BNC2: variants seen among roughly 807,000 people sequenced by gnomAD.
BNC2 encodes the protein zinc finger protein basonuclin-2.
Under a neutral mutation model 76.3 loss-of-function variants are expected in BNC2, and 20 were observed. The observed-to-expected ratio is 0.26, with a 90% CI of 0.18 to 0.38. The LOEUF (loss-of-function observed/expected upper bound fraction) is 0.38. Among genes scored for constraint, BNC2 ranks in the 10% least tolerant of loss-of-function variants. The pLI is 1.00. For synonymous variants in BNC2, 582 were observed against 514.8 expected, an observed-to-expected ratio of 1.13 and a Z score of -1.77; for missense variants, 1,382 against 1,399.8, an observed-to-expected ratio of 0.99 and a Z score of 0.20.
At chr9:16,586,121 A>C in intron 3 of BNC2, among the ~76,000 whole-genome samples, 1 of 151,802 alleles carries the variant, frequency 6.6e-6, no homozygotes, top group South Asian at 2.1e-4. Flanking sequence ...GCATTTTCAA[A>C]GTTTGTCGTT....
chr9:16,566,508 T>C (rs368602702), intron 4 of BNC2, among the ~76,000 whole-genome samples: 9 of 152,296 alleles, frequency 5.9e-5, no homozygotes, highest in East Asian at 3.9e-4. Flanking sequence ...CTGAGTAAAC[T>C]TGGCATATTT....
intron 1 of BNC2, among the ~76,000 whole-genome samples, chr9:16,844,836 G>A (rs530329817): frequency 6.6e-6 from 1 of 152,054 alleles, no homozygotes; most frequent in Non-Finnish European, 1.5e-5. Flanking sequence ...AGTCATTTCT[G>A]GGAAAGGTAT....
In BNC2 at chr9:16,618,664, G is replaced by A. The variant is rs547159970; in HGVS notation, c.331-35579C>T. The stretch of plus-strand genomic sequence containing the variant: ...GTGGAAACAAGGAGTGATAACAAGA[G>A]GTCCAGAAAGGACAGATACTCATCC... On this transcript the variant is annotated intron_variant, in intron 3 of 6. Transcript: ENST00000380672. 7.9e-5 allele frequency among the ~76,000 whole-genome samples: 12 copies of A among 152,236 alleles called. No homozygotes were observed. The East Asian group carries it at 1.2e-3, about 15-fold the overall frequency.
At chr9:16,631,156 C>A (rs992948436) in intron 3 of BNC2, among the ~76,000 whole-genome samples, 1 of 152,120 alleles carries the variant, frequency 6.6e-6, no homozygotes, top group Admixed American at 6.5e-5. Flanking sequence ...ACTTACTTAT[C>A]CTCTCCCCGA....
chr9:16,668,027 T>C (rs569417049), intron 3 of BNC2, among the ~76,000 whole-genome samples: 323 of 152,364 alleles, frequency 2.1e-3, no homozygotes, highest in Non-Finnish European at 3.0e-3. Context: ...TCCTACTAAG[T>C]GCCAGACGCA....
At chr9:16,867,920 T>C (rs914058349) in intron 1 of BNC2, 7 of 152,066 alleles carry the variant, frequency 4.6e-5, no homozygotes, top group Non-Finnish European at 7.4e-5. Flanking sequence ...CTTCATTAAC[T>C]GCGGCTCTCT....
intron 1 of BNC2, among the ~76,000 whole-genome samples, chr9:16,856,263 A>C (rs199841475): frequency 1.7e-5 from 2 of 116,648 alleles, no homozygotes; most frequent in East Asian, 6.6e-4. Context: ...CTTCACACAC[A>C]CTCTCTCTCT....
At chr9:16,497,040 T>G (rs1446417454) in intron 5 of BNC2, among the ~76,000 whole-genome samples, 1 of 152,240 alleles carries the variant, frequency 6.6e-6, no homozygotes, top group Non-Finnish European at 1.5e-5. Flanking sequence ...CACATTAGGT[T>G]GTGATCCATA....
chr9:16,642,695 T>G (rs111575011), intron 3 of BNC2, among the ~76,000 whole-genome samples: 2,449 of 152,316 alleles, frequency 0.016, 28 homozygotes, highest in Non-Finnish European at 0.025. Context: ...AAACAGTGAG[T>G]GCCTTGGGGC....
At chr9:16,673,594 A>C (rs1822550704) in intron 3 of BNC2, among the ~76,000 whole-genome samples, 1 of 152,156 alleles carries the variant, frequency 6.6e-6, no homozygotes, top group Non-Finnish European at 1.5e-5. Context: ...TACCATCATC[A>C]CATCACATTA....
At chr9:16,643,429 A>T (rs1263262773) in intron 3 of BNC2, among the ~76,000 whole-genome samples, 1 of 152,146 alleles carries the variant, frequency 6.6e-6, no homozygotes, top group African/African-American at 2.4e-5. Flanking sequence ...AAACATAAGT[A>T]AGAAAGGCTG....
At chr9:16,791,637 T>C (rs1046976176) in intron 1 of BNC2, among the ~76,000 whole-genome samples, 3 of 152,164 alleles carry the variant, frequency 2.0e-5, no homozygotes, top group Non-Finnish European at 4.4e-5. Context: ...CAGTCAACTA[T>C]AACAGATGAG....
intron 5 of BNC2, among the ~76,000 whole-genome samples, chr9:16,506,544 T>TTTTTC (rs1822631907): frequency 8.4e-6 from 1 of 119,726 alleles, no homozygotes; most frequent in Non-Finnish European, 1.7e-5. Flanking sequence ...TTTTTTTTTT[T>TTTTTC]GACGGAATCT....
chr9:16,852,147 C>T (rs1819142271), intron 1 of BNC2, among the ~76,000 whole-genome samples: 1 of 152,168 alleles, frequency 6.6e-6, no homozygotes, highest in Admixed American at 6.5e-5. Flanking sequence ...ACAAAGTTAA[C>T]CATCCTGTCC....
At chr9:16,795,665 G>C (rs1202162214) in intron 1 of BNC2, among the ~76,000 whole-genome samples, 1 of 152,120 alleles carries the variant, frequency 6.6e-6, no homozygotes, top group Non-Finnish European at 1.5e-5. Context: ...ATTTTGGTTT[G>C]CTTGGTTTTC....
intron 5 of BNC2, among the ~76,000 whole-genome samples, chr9:16,490,123 C>T (rs554536436): frequency 6.6e-6 from 1 of 152,128 alleles, no homozygotes; most frequent in African/African-American, 2.4e-5. Context: ...AGAGTGAAAG[C>T]TCACTGTATT....
chr9:16,730,338 T>C (rs967526046), intron 2 of BNC2, among the ~76,000 whole-genome samples: 12 of 152,106 alleles, frequency 7.9e-5, no homozygotes, highest in African/African-American at 2.9e-4. Context: ...TGCAACTCAT[T>C]AGGGCAAAAC....
chr9:16,479,352 T>C (rs1294782390), intron 5 of BNC2, among the ~76,000 whole-genome samples: 2 of 152,038 alleles, frequency 1.3e-5, no homozygotes, highest in Non-Finnish European at 2.9e-5. Flanking sequence ...TCAGAGGGTG[T>C]GTTCATGTGT....
At position 16,416,944 on chromosome 9, in the gene BNC2, T is replaced by C. The variant is rs900339292; in HGVS notation, c.*2045A>G. 3.9e-5 allele frequency: 6 copies of C among 152,318 alleles called. No individual in the cohort carries two copies. The highest frequency in any genetic ancestry group is 9.7e-5 in the African/African-American group (4 of 41,366). The allele number at this position is 152,318 out of a possible 1,614,324, so 9.4% of individuals were successfully genotyped here. On this transcript the variant is annotated 3_prime_UTR_variant, in exon 7 of 7. Transcript: ENST00000380672. ...ACGGAAGTGAATGCTGATGTGAACA[T>C]AGAAAAAATAATTACAAAAACATGA...
Sources: gnomAD v4.1 joint callset for allele counts (sites outside exome capture counted in the v4.1 genomes callset) on GRCh38, gnomAD v4.1.1 for gene constraint, MANE v1.5 for transcripts, NCBI Gene and HGNC (gene_info 2026-07-23, HGNC 2026-07-21) for gene names.